The following USH2A variants were observed in gnomAD, a reference collection of about 807,000 sequenced individuals.
USH2A encodes Usher syndrome 2A (autosomal recessive, mild).
Under a neutral mutation model 538.9 loss-of-function variants are expected in USH2A, and 443 were observed. The observed-to-expected ratio is 0.82, with a 90% CI of 0.76 to 0.89. USH2A has a LOEUF of 0.89. Among genes scored for constraint, USH2A ranks in the 40% least tolerant of loss-of-function variants. The pLI is 0.00. For missense variants in USH2A, 6,633 were observed against 6,324.8 expected, an observed-to-expected ratio of 1.05 and a Z score of -1.65; for synonymous variants, 2,413 against 2,273.5, an observed-to-expected ratio of 1.06 and a Z score of -1.75.
At chr1:215,988,611 A>G (rs1043153551) in intron 35 of USH2A, among the ~76,000 whole-genome samples, 14 of 152,186 alleles carry the variant, frequency 9.2e-5, no homozygotes, top group Admixed American at 7.9e-4. Flanking sequence ...GCACCATTTA[A>G]TATTCCCACC....
chr1:215,665,162 C>A (rs575671542), intron 64 of USH2A, among the ~76,000 whole-genome samples: 3 of 152,286 alleles, frequency 2.0e-5, no homozygotes, highest in Admixed American at 2.0e-4. Context: ...CAGTGAGGAT[C>A]CCCTTCTGTG....
intron 21 of USH2A, among the ~76,000 whole-genome samples, chr1:216,144,537 A>T (rs2033658864): frequency 6.6e-6 from 1 of 152,212 alleles, no homozygotes; most frequent in South Asian, 2.1e-4. Flanking sequence ...TTGGAAATTT[A>T]TATATAATAC....
intron 14 of USH2A, among the ~76,000 whole-genome samples, chr1:216,222,054 T>C (rs994888837): frequency 2.6e-5 from 4 of 152,186 alleles, no homozygotes; most frequent in African/African-American, 9.6e-5. Flanking sequence ...CCAGTTTTTC[T>C]GAAAAGGTGA....
rs758242481 is a variant in USH2A at position 216,201,474 on chromosome 1, C to T, written c.3317-1353G>A. Among the ~76,000 whole-genome samples the T allele has an allele frequency of 4.6e-5, 7 of 151,874 alleles. No individual in the cohort carries two copies. In the East Asian group the frequency reaches 5.8e-4, roughly 13 times the overall value. ...GACTACAGGTGCCCACCACCACGCC[C>T]GGCTAATTTTTGTATTTTTTGTAGA... On this transcript the variant is annotated intron_variant, in intron 16 of 71. Transcript: ENST00000307340.
chr1:216,333,194 A>G (rs2037902803), intron 4 of USH2A, among the ~76,000 whole-genome samples: 2 of 152,210 alleles, frequency 1.3e-5, no homozygotes, highest in Admixed American at 1.3e-4. Context: ...CTGTAATCCC[A>G]GCACTTTGGG....
chr1:216,095,473 TG>T (rs1558255994), intron 22 of USH2A, among the ~76,000 whole-genome samples: 1 of 152,214 alleles, frequency 6.6e-6, no homozygotes, highest in Non-Finnish European at 1.5e-5. Flanking sequence ...CGATAGCTGC[TG>T]CTTCTTCCTT....
At chr1:215,894,704 A>G (rs1423894888) in intron 40 of USH2A, among the ~76,000 whole-genome samples, 1 of 152,120 alleles carries the variant, frequency 6.6e-6, no homozygotes, top group Non-Finnish European at 1.5e-5. Flanking sequence ...CCTCTGACCA[A>G]GGTAAAAAAA....
intron 4 of USH2A, among the ~76,000 whole-genome samples, 196 bp downstream of exon 4, chr1:216,364,757 T>C (rs2038562129): frequency 6.6e-6 from 1 of 152,168 alleles, no homozygotes; most frequent in Non-Finnish European, 1.5e-5. Flanking sequence ...GAACCCTTAA[T>C]TTCTGACTTC....
At position 215,627,525 on chromosome 1, in the gene USH2A, C is replaced by G. The variant is rs1311861755; in HGVS notation, c.15519+1289G>C. Reference sequence around the variant, plus strand: ...CCTTCTTTCCTTCCTTCCTTCCTTCCTTTTTTCCTTTTTTTCTTTTTTCAG... The same window carrying G: ...CCTTCTTTCCTTCCTTCCTTCCTTCGTTTTTTCCTTTTTTTCTTTTTTCAG... On this transcript the variant is annotated intron_variant, in intron 71 of 71. Transcript: ENST00000307340. Among the ~76,000 whole-genome samples, 5 of 130,656 alleles carry G rather than the reference C, an allele frequency of 3.8e-5. 1 individual carries two copies. Among genetic ancestry groups the G allele is most frequent in the African/African-American group, 1.5e-4 (5 of 32,950 alleles). The allele number at this position is 130,656 out of a possible 152,430, so 85.7% of individuals were successfully genotyped here.
chr1:215,710,218 G>T (rs1283933140), intron 61 of USH2A, among the ~76,000 whole-genome samples: 1 of 152,146 alleles, frequency 6.6e-6, no homozygotes, highest in African/African-American at 2.4e-5. Context: ...AAAAATGGAA[G>T]AATTTTCCTT....
rs1473851055 is a variant in USH2A at position 216,073,428 on chromosome 1, T to C, written c.5573-128A>G. 6.0e-6 allele frequency: 6 copies of C among 1,004,234 alleles called. No individual in the cohort carries two copies. The East Asian group carries it at 1.0e-4, about 18-fold the overall frequency. 62.2% of individuals were successfully genotyped at this position (1,004,234 alleles called of 1,614,324 possible). ...TAGATACAATTGCTAGACTTTCGAGTCTTCCTTGGAAAACCTTTTATGCCT... is the reference window on the plus strand; with the variant it reads ...TAGATACAATTGCTAGACTTTCGAGCCTTCCTTGGAAAACCTTTTATGCCT... On this transcript the variant is annotated intron_variant, in intron 27 of 71. Coordinates refer to ENST00000307340, the MANE Select transcript of USH2A (RefSeq NM_206933.4).
intron 4 of USH2A, among the ~76,000 whole-genome samples, chr1:216,338,157 C>T (rs1450793063): frequency 2.0e-5 from 3 of 151,140 alleles, no homozygotes; most frequent in African/African-American, 4.8e-5. Context: ...TAAACTGATC[C>T]TAAAATTCAT....
intron 9 of USH2A, among the ~76,000 whole-genome samples, chr1:216,304,073 A>G (rs1328318550): frequency 6.6e-6 from 1 of 151,976 alleles, no homozygotes; most frequent in East Asian, 1.9e-4. Flanking sequence ...ATTATACTGA[A>G]ATATTAAAAA....
chr1:215,803,090 T>C (rs1420725781), intron 49 of USH2A, among the ~76,000 whole-genome samples: 1 of 152,166 alleles, frequency 6.6e-6, no homozygotes, highest in Non-Finnish European at 1.5e-5. Flanking sequence ...CAACGCTTCA[T>C]GCTAAAAACT....
intron 11 of USH2A, among the ~76,000 whole-genome samples, chr1:216,252,888 G>A (rs767749755): frequency 4.6e-5 from 7 of 152,098 alleles, no homozygotes; most frequent in Non-Finnish European, 8.8e-5. Flanking sequence ...TCCAATAGGC[G>A]TGTGGGTACA....
chr1:216,033,991 G>A (rs1263518887), intron 32 of USH2A, among the ~76,000 whole-genome samples: 2 of 152,158 alleles, frequency 1.3e-5, no homozygotes, highest in East Asian at 3.9e-4. Flanking sequence ...GTAGGATGTG[G>A]CAGATAAAAT....
At chr1:215,916,251 C>G (rs1665950744) in intron 38 of USH2A, among the ~76,000 whole-genome samples, 1 of 151,796 alleles carries the variant, frequency 6.6e-6, no homozygotes, top group South Asian at 2.1e-4. Context: ...CAGATCCAAC[C>G]TAAATAAATG....
At chr1:216,145,998 C>A (rs913659074) in intron 21 of USH2A, among the ~76,000 whole-genome samples, 2 of 152,208 alleles carry the variant, frequency 1.3e-5, no homozygotes, top group Admixed American at 1.3e-4. Context: ...AAATAAACAG[C>A]TTTATTGCTC....
chr1:215,728,626 A>G lies in USH2A; in HGVS notation c.11712-242T>C, dbSNP rs937603223. Among the ~76,000 whole-genome samples the G allele has an allele frequency of 2.7e-4, 36 of 134,776 alleles. 1 individual carries two copies. The highest frequency in any genetic ancestry group is 1.0e-3 in the African/African-American group (36 of 35,248). The allele number at this position is 134,776 out of a possible 152,430, so 88.4% of individuals were successfully genotyped here. The stretch of plus-strand genomic sequence containing the variant: ...ACACACGTATTTGACTGATTATAAA[A>G]GAGTGCATATGCTTTGTAGAAAACA... On this transcript the variant is annotated intron_variant, in intron 60 of 71. Coordinates refer to ENST00000307340, the MANE Select transcript of USH2A (RefSeq NM_206933.4).
Sources: gnomAD v4.1 joint callset for allele counts (sites outside exome capture counted in the v4.1 genomes callset) on GRCh38, gnomAD v4.1.1 for gene constraint, MANE v1.5 for transcripts, NCBI Gene and HGNC (gene_info 2026-07-23, HGNC 2026-07-21) for gene names.